HTR2C: variants seen among roughly 807,000 people sequenced by gnomAD.
HTR2C encodes the protein 5-hydroxytryptamine (serotonin) receptor 2C, G protein-coupled.
A neutral mutation model predicts 21.0 loss-of-function variants in HTR2C; 5 were observed. The observed-to-expected ratio is 0.24, with a 90% CI of 0.12 to 0.50. HTR2C has a LOEUF of 0.50. Among genes scored for constraint, HTR2C ranks in the 20% least tolerant of loss-of-function variants. The pLI is 0.98. For synonymous variants in HTR2C, 150 were observed against 145.3 expected (o/e 1.03, Z -0.23); for missense variants, 271 against 371.2 (o/e 0.73, Z 2.22).
intron 5 of HTR2C, among the ~76,000 whole-genome samples, chrX:114,883,843 C>G (rs782213210): frequency 9.1e-6 from 1 of 110,253 alleles, no homozygotes; most frequent in East Asian, 2.8e-4. Flanking sequence ...TTGCTATTAA[C>G]TATAGTCACC....
At chrX:114,693,432 A>T (rs1416021666) in intron 2 of HTR2C, among the ~76,000 whole-genome samples, 2 of 111,989 alleles carry the variant, frequency 1.8e-5, no homozygotes, top group Non-Finnish European at 3.8e-5. Flanking sequence ...AACTTACATA[A>T]TTGGATATAG....
intron 4 of HTR2C, among the ~76,000 whole-genome samples, chrX:114,793,122 T>G (rs1333578807): frequency 9.0e-6 from 1 of 111,433 alleles, no homozygotes; most frequent in Admixed American, 9.6e-5. Flanking sequence ...GCTCTTTAGT[T>G]TAATTGGATC....
chrX:114,905,550 C>A (rs7878085), intron 5 of HTR2C, among the ~76,000 whole-genome samples: 3,332 of 111,463 alleles, frequency 0.03, 115 homozygotes, highest in African/African-American at 0.1. Flanking sequence ...GCATTTCTGT[C>A]TCCTCTCACA....
chrX:114,735,085 A>G (rs1556424171), intron 4 of HTR2C, among the ~76,000 whole-genome samples: 1 of 110,924 alleles, frequency 9.0e-6, no homozygotes, highest in Non-Finnish European at 1.9e-5. Flanking sequence ...CGGGCGGATC[A>G]CTTGTGGTCA....
intron 4 of HTR2C, among the ~76,000 whole-genome samples, chrX:114,735,121 C>T (rs1047387408): frequency 5.4e-5 from 6 of 110,099 alleles, no homozygotes; most frequent in East Asian, 2.9e-4. Flanking sequence ...CCTGGCCAAC[C>T]GGATTTCTTT....
At chrX:114,623,233 C>T (rs1418345106) in intron 2 of HTR2C, among the ~76,000 whole-genome samples, 1 of 112,146 alleles carries the variant, frequency 8.9e-6, no homozygotes, top group Non-Finnish European at 1.9e-5. Flanking sequence ...GAGTTATCCA[C>T]AGTCCCCTGA....
chrX:114,596,008 C>G (rs1255261276), intron 1 of HTR2C, among the ~76,000 whole-genome samples: 1 of 111,036 alleles, frequency 9.0e-6, no homozygotes, highest in Non-Finnish European at 1.9e-5. Flanking sequence ...TTTCACATTT[C>G]CTGTAATAGC....
Position 114,873,191 on chromosome X carries a change from T to C in HTR2C, c.550+24988T>C, listed in dbSNP as rs781980741. Among the ~76,000 whole-genome samples the C allele has an allele frequency of 3.6e-5, 4 of 112,028 alleles. No homozygotes were observed. In the South Asian group the frequency reaches 1.5e-3, roughly 41 times the overall value. On this transcript the variant is annotated intron_variant, in intron 5 of 5. Transcript: ENST00000276198. ...AATCTTATAATCTCTATCACCCATA[T>C]TTATAGCTTTTCTATACAATGTGAC...
chrX:114,618,386 A>T (rs1403965034), intron 2 of HTR2C, among the ~76,000 whole-genome samples: 1 of 112,323 alleles, frequency 8.9e-6, no homozygotes, highest in Admixed American at 9.5e-5. Flanking sequence ...AAATAATTTT[A>T]TATGTATGTT....
At chrX:114,771,356 C>G (rs1343295296) in intron 4 of HTR2C, among the ~76,000 whole-genome samples, 2 of 111,204 alleles carry the variant, frequency 1.8e-5, no homozygotes, top group African/African-American at 6.6e-5. Flanking sequence ...TATTTTTAAT[C>G]CTTCTTAAGA....
intron 5 of HTR2C, among the ~76,000 whole-genome samples, chrX:114,904,350 CT>C (rs2071357375): frequency 8.9e-6 from 1 of 111,895 alleles, no homozygotes; most frequent in African/African-American, 3.2e-5. Flanking sequence ...TTCATCCATA[CT>C]TTCATCCACT....
At chrX:114,693,039 A>T (rs1172889133) in intron 2 of HTR2C, among the ~76,000 whole-genome samples, 1 of 112,060 alleles carries the variant, frequency 8.9e-6, no homozygotes, top group African/African-American at 3.2e-5. Flanking sequence ...CAAGGATAGC[A>T]TAGTAGATAG....
intron 4 of HTR2C, among the ~76,000 whole-genome samples, chrX:114,759,801 T>C (rs2069848424): frequency 9.0e-6 from 1 of 111,258 alleles, no homozygotes. Flanking sequence ...TTTCTCACAC[T>C]TCGTGGAGTA....
chrX:114,865,769 G>A (rs1417187790), intron 5 of HTR2C, among the ~76,000 whole-genome samples: 1 of 110,221 alleles, frequency 9.1e-6, no homozygotes, highest in Non-Finnish European at 1.9e-5. Flanking sequence ...GTATATTCTT[G>A]GTAAAAATTT....
Position 114,810,350 on chromosome X carries a change from G to A in HTR2C, c.350-37653G>A, listed in dbSNP as rs149740085. Among the ~76,000 whole-genome samples the A allele has an allele frequency of 5.3e-3, 593 of 111,475 alleles. 4 individuals are homozygous for A. Among genetic ancestry groups the A allele is most frequent in the African/African-American group, 0.019 (572 of 30,712 alleles). On this transcript the variant is annotated intron_variant, in intron 4 of 5. Transcript: ENST00000276198. The stretch of plus-strand genomic sequence containing the variant: ...CAAGCCCAGCACAGCACCAGGACTT[G>A]CCTCATAGCCTAGACTGCCTTTCAA...
chrX:114,781,559 G>A (rs141717691), intron 4 of HTR2C, among the ~76,000 whole-genome samples: 84 of 109,228 alleles, frequency 7.7e-4, no homozygotes, highest in African/African-American at 2.5e-3. Flanking sequence ...GGAGTGCAGT[G>A]GCGTGATCAC....
chrX:114,654,304 A>G (rs1254133285), intron 2 of HTR2C, among the ~76,000 whole-genome samples: 11 of 107,527 alleles, frequency 1.0e-4, no homozygotes, highest in Non-Finnish European at 5.8e-5. Flanking sequence ...TATATATATA[A>G]CATATATATC....
chrX:114,863,159 C>A (rs1331676032), intron 5 of HTR2C, among the ~76,000 whole-genome samples: 2 of 111,569 alleles, frequency 1.8e-5, no homozygotes, highest in Non-Finnish European at 3.8e-5. Context: ...CATGAGAGTG[C>A]AGATATCTCT....
At chrX:114,649,204 A>G (rs1039516191) in intron 2 of HTR2C, among the ~76,000 whole-genome samples, 4 of 112,057 alleles carry the variant, frequency 3.6e-5, no homozygotes, top group African/African-American at 1.3e-4. Flanking sequence ...AGCACTTGGG[A>G]GGATTCTATA....
Sources: allele counts gnomAD v4.1 joint callset (sites outside exome capture counted in the v4.1 genomes callset), GRCh38; gene constraint gnomAD v4.1.1; transcripts MANE v1.5; gene names NCBI Gene and HGNC (gene_info 2026-07-23, HGNC 2026-07-21).